The following KLHDC1 variants were observed in gnomAD, a reference collection of about 807,000 sequenced individuals.
KLHDC1 encodes kelch domain containing 1, also known as kelch domain-containing protein 1.
In KLHDC1, 53 loss-of-function variants were observed where a neutral mutation model predicts 68.3. The ratio of observed to expected loss-of-function variants is 0.78; its 90% confidence interval spans 0.62 to 0.98. The LOEUF (loss-of-function observed/expected upper bound fraction) is 0.98. Among genes scored for constraint, KLHDC1 ranks in the 50% least tolerant of loss-of-function variants. The pLI is 0.00. For synonymous variants in KLHDC1, 148 were observed against 159.0 expected, an observed-to-expected ratio of 0.93 and a Z score of 0.52; for missense variants, 470 against 492.3, an observed-to-expected ratio of 0.95 and a Z score of 0.43.
chr14:49,738,513 A>AT (rs940192146), intron 10 of KLHDC1, among the ~76,000 whole-genome samples: 74 of 149,532 alleles, frequency 4.9e-4, no homozygotes, highest in African/African-American at 1.6e-3. Flanking sequence ...AGCTCGGCTA[A>AT]TTTTTTTTTT....
intron 5 of KLHDC1, among the ~76,000 whole-genome samples, chr14:49,724,281 C>CACCT (rs1159429355): frequency 7.2e-5 from 11 of 151,998 alleles, no homozygotes; most frequent in Admixed American, 2.0e-4. Context: ...TGTTGACATA[C>CACCT]ACCTCTTTTT....
At position 49,732,767 on chromosome 14, in the gene KLHDC1, T is replaced by A. The variant is rs765574014; in HGVS notation, c.774T>A (p.Asp258Glu). 6.2e-7 allele frequency: 1 copy of A among 1,610,094 alleles called. No individual in the cohort carries two copies. The highest frequency in any genetic ancestry group is 8.5e-7 in the Non-Finnish European group (1 of 1,176,464). ...GGCATACTTTAACACCTATAGCTGATGATAAACTTTTCCTATGTGGTGGAC... is the reference window on the plus strand; with the variant it reads ...GGCATACTTTAACACCTATAGCTGAAGATAAACTTTTCCTATGTGGTGGAC... ...RSWHTLTPIA[D>E]DKLFLCGGLS... Residue 258 changes from aspartate (D) to glutamate (E), a missense_variant, in exon 9 of 13, where the codon GAT becomes GAA. By Grantham distance (45) the Asp-to-Glu change is conservative. Coordinates refer to ENST00000359332, the MANE Select transcript of KLHDC1 (RefSeq NM_172193.3).
intron 12 of KLHDC1, among the ~76,000 whole-genome samples, chr14:49,744,892 C>T (rs1032016602): frequency 6.6e-6 from 1 of 152,098 alleles, no homozygotes; most frequent in Admixed American, 6.6e-5. Context: ...TTTTTAACCC[C>T]AAAGCTAGTA....
chr14:49,709,653 G>A (rs1359499738), intron 2 of KLHDC1, 56 bp from the exon 3 acceptor site: 8 of 947,354 alleles, frequency 8.4e-6, no homozygotes, highest in Non-Finnish European at 1.3e-5. Flanking sequence ...AGTTTAAAGA[G>A]AATTTTAATT....
chr14:49,701,433 A>G (rs906092494), intron 1 of KLHDC1, among the ~76,000 whole-genome samples: 1 of 151,688 alleles, frequency 6.6e-6, no homozygotes, highest in Non-Finnish European at 1.5e-5. Flanking sequence ...GCCAAAGTGG[A>G]TGGATCAACT....
chr14:49,715,613 CA>C (rs774354068), intron 4 of KLHDC1, among the ~76,000 whole-genome samples: 47 of 150,120 alleles, frequency 3.1e-4, no homozygotes, highest in Non-Finnish European at 6.4e-4. Context: ...GGTGCAGTGG[CA>C]GGTACCTGTA....
intron 1 of KLHDC1, among the ~76,000 whole-genome samples, chr14:49,699,134 A>G (rs1448849144): frequency 7.0e-6 from 1 of 143,858 alleles, no homozygotes; most frequent in Non-Finnish European, 1.5e-5. Context: ...ACCGCACTCC[A>G]GTCTGGGTGA....
rs1185087470 is a variant in KLHDC1, at chr14:49,740,930, C to G, written c.981+748C>G. Reference sequence around the variant, plus strand: ...GCCAACACAGCAAAAACCATCTCTACTAAAAATACAAAAATGACCCAGGTG... The same window carrying G: ...GCCAACACAGCAAAAACCATCTCTAGTAAAAATACAAAAATGACCCAGGTG... On this transcript the variant is annotated intron_variant, in intron 11 of 12. Coordinates refer to ENST00000359332, the MANE Select transcript of KLHDC1 (RefSeq NM_172193.3). 2.0e-5 allele frequency among the ~76,000 whole-genome samples: 3 copies of G among 151,864 alleles called. No individual in the cohort carries two copies. The East Asian group carries it at 5.9e-4, about 30-fold the overall frequency.
intron 11 of KLHDC1, 91 bp downstream of exon 11, chr14:49,740,273 T>C (rs375262300): frequency 2.9e-6 from 2 of 699,130 alleles, no homozygotes; most frequent in African/African-American, 1.8e-5. Flanking sequence ...TATTCTAACA[T>C]TGCAAAATAT....
intron 10 of KLHDC1, among the ~76,000 whole-genome samples, chr14:49,738,892 T>C (rs1483401847): frequency 6.6e-6 from 1 of 152,124 alleles, no homozygotes; most frequent in Non-Finnish European, 1.5e-5. Context: ...GCACGTGGAG[T>C]TGGATGCAGA....
At chr14:49,729,999 C>A (rs1437763062) in intron 8 of KLHDC1, among the ~76,000 whole-genome samples, 2 of 151,944 alleles carry the variant, frequency 1.3e-5, no homozygotes, top group Admixed American at 1.3e-4. Context: ...CATTAAATAC[C>A]ATAAAACCAT....
intron 4 of KLHDC1, among the ~76,000 whole-genome samples, chr14:49,711,018 G>C (rs1888183862): frequency 7.7e-5 from 1 of 13,014 alleles, no homozygotes; most frequent in Non-Finnish European, 3.0e-3. Flanking sequence ...TTTTGGAAAT[G>C]GAGTCTCACT....
intron 1 of KLHDC1, among the ~76,000 whole-genome samples, chr14:49,693,728 A>ATTTAT (rs1225919505): frequency 3.9e-4 from 36 of 93,262 alleles, no homozygotes; most frequent in African/African-American, 7.6e-4. Context: ...GCATTTAAAT[A>ATTTAT]TTTATTTTCT....
intron 5 of KLHDC1, among the ~76,000 whole-genome samples, chr14:49,724,689 G>A (rs1394234821): frequency 6.6e-6 from 1 of 151,904 alleles, no homozygotes; most frequent in Admixed American, 6.6e-5. Context: ...TTAAAGTATT[G>A]CTGAGAATTT....
In KLHDC1 at chr14:49,732,755, A is replaced by G; in HGVS notation, c.762A>G (p.Thr254=). The change falls in exon 9 of 13, where the codon ACA becomes ACG. Residue 254 remains threonine (T), a synonymous_variant. Coordinates refer to ENST00000359332, the MANE Select transcript of KLHDC1 (RefSeq NM_172193.3). ...AACATCGGTCATGGCATACTTTAAC[A>G]CCTATAGCTGATGATAAACTTTTCC... ...SPKHRSWHTL[T]PIADDKLFLC... 6.2e-7 allele frequency: 1 copy of G among 1,610,600 alleles called. No homozygotes were observed. Among genetic ancestry groups the G allele is most frequent in the Non-Finnish European group, 8.5e-7 (1 of 1,177,054 alleles).
intron 1 of KLHDC1, among the ~76,000 whole-genome samples, chr14:49,695,793 G>T (rs1285697490): frequency 1.3e-5 from 2 of 152,164 alleles, no homozygotes; most frequent in Non-Finnish European, 1.5e-5. Flanking sequence ...GGCCGGGCAC[G>T]TTGGCTCACG....
chr14:49,697,837 G>A (rs544311170), intron 1 of KLHDC1, among the ~76,000 whole-genome samples: 38 of 152,190 alleles, frequency 2.5e-4, no homozygotes, highest in Admixed American at 6.6e-4. Flanking sequence ...TGTAAAGTAC[G>A]TAATATCCCT....
chr14:49,726,938 CGTCTATATATTA>C (rs1256957262), intron 6 of KLHDC1, among the ~76,000 whole-genome samples: 1 of 152,110 alleles, frequency 6.6e-6, no homozygotes, highest in Non-Finnish European at 1.5e-5. Context: ...ACTCTCTCAA[CGTCTATATATTA>C]GTCTTAGAAA....
chr14:49,711,910 CTTT>C (rs992092493), intron 4 of KLHDC1, among the ~76,000 whole-genome samples: 4 of 76,614 alleles, frequency 5.2e-5, no homozygotes, highest in Non-Finnish European at 1.1e-4. Context: ...TTTTCTTTTT[CTTT>C]TTTTTTTTTT....
Sources: gnomAD v4.1 joint callset for allele counts (sites outside exome capture counted in the v4.1 genomes callset) on GRCh38, gnomAD v4.1.1 for gene constraint, MANE v1.5 for transcripts, NCBI Gene and HGNC (gene_info 2026-07-23, HGNC 2026-07-21) for gene names.